KHDRBS3: variants seen among roughly 807,000 people sequenced by gnomAD.
KHDRBS3 encodes KH RNA binding domain containing, signal transduction associated 3.
KHDRBS3 carries 23 observed loss-of-function variants against 45.6 expected under a neutral mutation model. That is an observed-to-expected ratio of 0.50 (90% CI 0.36 to 0.72). The LOEUF (loss-of-function observed/expected upper bound fraction) is 0.72. Ranked by LOEUF, KHDRBS3 falls within the 30% of genes least tolerant of loss-of-function variation. The pLI, the probability that KHDRBS3 is intolerant of heterozygous loss-of-function variation, is 0.00. For missense variants in KHDRBS3, 352 were observed against 424.8 expected (o/e 0.83, Z 1.51); for synonymous variants, 162 against 156.5 (o/e 1.04, Z -0.26).
At chr8:135,640,428 G>A (rs1220404165) in intron 7 of KHDRBS3, among the ~76,000 whole-genome samples, 1 of 152,118 alleles carries the variant, frequency 6.6e-6, no homozygotes, top group African/African-American at 2.4e-5. Context: ...AGGGTTTGTG[G>A]TCTTCCTGTT....
intron 5 of KHDRBS3, among the ~76,000 whole-genome samples, chr8:135,560,793 C>T (rs1827131405): frequency 6.6e-6 from 1 of 151,966 alleles, no homozygotes; most frequent in South Asian, 2.1e-4. Flanking sequence ...AATTTTAGAC[C>T]CTAGTTTCAG....
At chr8:135,611,397 A>G (rs1829699272) in intron 7 of KHDRBS3, among the ~76,000 whole-genome samples, 1 of 151,972 alleles carries the variant, frequency 6.6e-6, no homozygotes, top group Non-Finnish European at 1.5e-5. Flanking sequence ...CTTTTCCACT[A>G]CAGCACTCTT....
chr8:135,469,873 C>T (rs1821925831), intron 1 of KHDRBS3, among the ~76,000 whole-genome samples: 1 of 152,178 alleles, frequency 6.6e-6, no homozygotes, highest in South Asian at 2.1e-4. Context: ...AAGGTGATGT[C>T]TGACACTGGA....
At chr8:135,617,457 T>C (rs879289503) in intron 7 of KHDRBS3, among the ~76,000 whole-genome samples, 1 of 152,032 alleles carries the variant, frequency 6.6e-6, no homozygotes, top group Non-Finnish European at 1.5e-5. Flanking sequence ...TTTGTGTTTA[T>C]AGTAGAGACA....
chr8:135,621,119 T>C (rs1302203032), intron 7 of KHDRBS3, among the ~76,000 whole-genome samples: 1 of 130,094 alleles, frequency 7.7e-6, no homozygotes, highest in Admixed American at 9.3e-5. Context: ...GAATCACCTA[T>C]GCAGCCTTAA....
chr8:135,635,536 A>G (rs917004746), intron 7 of KHDRBS3, among the ~76,000 whole-genome samples: 2 of 152,184 alleles, frequency 1.3e-5, no homozygotes, highest in African/African-American at 4.8e-5. Context: ...GGCATGCGCC[A>G]CCATGCCTGG....
At chr8:135,486,347 A>T (rs1439719931) in intron 1 of KHDRBS3, among the ~76,000 whole-genome samples, 1 of 152,212 alleles carries the variant, frequency 6.6e-6, no homozygotes, top group African/African-American at 2.4e-5. Context: ...GGATGAATGG[A>T]TGCTAAATAG....
intron 2 of KHDRBS3, among the ~76,000 whole-genome samples, chr8:135,525,292 C>T (rs1364151582): frequency 1.3e-5 from 2 of 152,058 alleles, no homozygotes; most frequent in Admixed American, 6.6e-5. Flanking sequence ...ATTTTTGTCA[C>T]GTGATTCAGA....
chr8:135,534,674 A>G (rs1202897097), intron 2 of KHDRBS3, among the ~76,000 whole-genome samples: 2 of 152,096 alleles, frequency 1.3e-5, no homozygotes. Flanking sequence ...TAGTGTATAT[A>G]TTGTGCTCTG....
At chr8:135,480,853 A>G (rs1286082822) in intron 1 of KHDRBS3, among the ~76,000 whole-genome samples, 1 of 152,088 alleles carries the variant, frequency 6.6e-6, no homozygotes, top group African/African-American at 2.4e-5. Flanking sequence ...TACATATGTC[A>G]TCATATTGTT....
At chr8:135,583,391 CAAT>C (rs1446163173) in intron 6 of KHDRBS3, among the ~76,000 whole-genome samples, 1 of 152,172 alleles carries the variant, frequency 6.6e-6, no homozygotes, top group African/African-American at 2.4e-5. Context: ...TACCAGATGA[CAAT>C]AATAATTATG....
intron 6 of KHDRBS3, among the ~76,000 whole-genome samples, chr8:135,585,870 T>C (rs1828446873): frequency 6.6e-6 from 1 of 152,190 alleles, no homozygotes; most frequent in African/African-American, 2.4e-5. Context: ...TTGATAACAT[T>C]GTTCAGATGA....
At chr8:135,523,181 T>G (rs1369023377) in intron 2 of KHDRBS3, among the ~76,000 whole-genome samples, 1 of 152,182 alleles carries the variant, frequency 6.6e-6, no homozygotes, top group Non-Finnish European at 1.5e-5. Context: ...AGAATTTCTT[T>G]GTTAATTACT....
intron 7 of KHDRBS3, among the ~76,000 whole-genome samples, chr8:135,631,415 T>C (rs1188838379): frequency 6.6e-6 from 1 of 152,174 alleles, no homozygotes; most frequent in African/African-American, 2.4e-5. Context: ...AAATGTGTCC[T>C]TATTTCATAA....
At chr8:135,477,824 C>T (rs573382501) in intron 1 of KHDRBS3, among the ~76,000 whole-genome samples, 2 of 152,274 alleles carry the variant, frequency 1.3e-5, no homozygotes, top group African/African-American at 2.4e-5. Context: ...ACCGGATTGG[C>T]GTGATATGGC....
At chr8:135,507,075 A>G (rs2130551268) in intron 1 of KHDRBS3, among the ~76,000 whole-genome samples, 1 of 152,286 alleles carries the variant, frequency 6.6e-6, no homozygotes, top group Middle Eastern at 3.4e-3. Flanking sequence ...GATATATTCT[A>G]TATTTGTTTA....
At chr8:135,550,009 C>A (rs572936689) in intron 4 of KHDRBS3, 1 of 152,206 alleles carries the variant, frequency 6.6e-6, no homozygotes, top group Non-Finnish European at 1.5e-5. Flanking sequence ...ATGTGGTAGG[C>A]AGATGTGAAC....
chr8:135,466,085 G>C (rs532249535), intron 1 of KHDRBS3, among the ~76,000 whole-genome samples: 1 of 151,930 alleles, frequency 6.6e-6, no homozygotes, highest in East Asian at 1.9e-4. Context: ...TCTTTCTTTC[G>C]CATTGGTAGC....
At chr8:135,516,149 G>A (rs764700807) in intron 1 of KHDRBS3, among the ~76,000 whole-genome samples, 1 of 152,192 alleles carries the variant, frequency 6.6e-6, no homozygotes, top group African/African-American at 2.4e-5. Context: ...ACAATGGTAA[G>A]TATTTTGTGT....
Sources: allele counts gnomAD v4.1 joint callset (sites outside exome capture counted in the v4.1 genomes callset), GRCh38; gene constraint gnomAD v4.1.1; transcripts MANE v1.5; gene names NCBI Gene and HGNC (gene_info 2026-07-23, HGNC 2026-07-21).